MTCL3: variants seen among roughly 807,000 people sequenced by gnomAD.
MTCL3 encodes the protein microtubule cross-linking factor 3.
At chr6:127,492,125 G>T in the MTCL3 span, among the ~76,000 whole-genome samples, 139 of 152,240 alleles carry the variant, frequency 9.1e-4, 1 homozygote, top group African/African-American at 3.1e-3. Context: ...TTGCCCTAGT[G>T]AACAGCCAGT....
At chr6:127,481,615 TTATC>T in the MTCL3 span, among the ~76,000 whole-genome samples, 1 of 151,448 alleles carries the variant, frequency 6.6e-6, no homozygotes, top group Non-Finnish European at 1.5e-5. Flanking sequence ...TTTAGTTAAA[TTATC>T]TATCTAATGT....
the MTCL3 span, chr6:127,476,484 A>G: frequency 6.5e-7 from 1 of 1,544,106 alleles, no homozygotes; most frequent in Non-Finnish European, 8.7e-7. This position sits in a 1 kb window ranked among gnomAD's most constrained non-coding sequence, Gnocchi z 4.4. Context: ...TTGGGGGAAA[A>G]GAGGGAAAAG....
At chr6:127,490,314 G>A in the MTCL3 span, among the ~76,000 whole-genome samples, 1 of 152,138 alleles carries the variant, frequency 6.6e-6, no homozygotes, top group Non-Finnish European at 1.5e-5. Context: ...ATGGAGATGT[G>A]CAAGGAGACT....
chr6:127,488,680 G>A, the MTCL3 span, among the ~76,000 whole-genome samples: 2 of 152,070 alleles, frequency 1.3e-5, no homozygotes, highest in Admixed American at 1.3e-4. Context: ...GAAAGAAGCT[G>A]GAAAAATAAA....
the MTCL3 span, chr6:127,516,178 G>A: frequency 7.0e-7 from 1 of 1,433,726 alleles, no homozygotes; most frequent in Non-Finnish European, 9.1e-7. Flanking sequence ...CTCCCGAGGC[G>A]GCTCCTCGGG....
the MTCL3 span, chr6:127,482,873 A>G: frequency 1.4e-6 from 2 of 1,430,234 alleles, no homozygotes; most frequent in Non-Finnish European, 1.9e-6. The surrounding 1 kb of genome is among the most constrained non-coding windows in gnomAD (Gnocchi z 4.1). Context: ...ATACACTTAG[A>G]GGTACTTGGT....
the MTCL3 span, among the ~76,000 whole-genome samples, chr6:127,491,423 T>C: frequency 6.6e-6 from 1 of 152,250 alleles, no homozygotes; most frequent in African/African-American, 2.4e-5. Flanking sequence ...GCCATCCAAC[T>C]AGATGATGAC....
chr6:127,510,387 G>T, the MTCL3 span, among the ~76,000 whole-genome samples: 1 of 152,090 alleles, frequency 6.6e-6, no homozygotes, highest in East Asian at 1.9e-4. Context: ...TCAAGGAAAC[G>T]CATCTTTACA....
At chr6:127,481,426 C>T in the MTCL3 span, 2 of 985,360 alleles carry the variant, frequency 2.0e-6, no homozygotes, top group Non-Finnish European at 2.4e-6. Flanking sequence ...GGCTGTGAGA[C>T]TCTCTGGGAT....
At chr6:127,516,705 G>A in the MTCL3 span, 2 of 1,500,616 alleles carry the variant, frequency 1.3e-6, no homozygotes, top group Non-Finnish European at 1.8e-6. Flanking sequence ...TTCCTAAGCT[G>A]GGACAGAAAC....
chr6:127,478,451 G>A, the MTCL3 span, among the ~76,000 whole-genome samples: 114 of 152,202 alleles, frequency 7.5e-4, no homozygotes, highest in Non-Finnish European at 1.4e-3. Context: ...AAATTGAAAA[G>A]TACAAAAGGA....
the MTCL3 span, among the ~76,000 whole-genome samples, chr6:127,476,646 A>G: frequency 3.9e-5 from 6 of 152,358 alleles, no homozygotes; most frequent in East Asian, 1.2e-3. The surrounding 1 kb of genome is among the most constrained non-coding windows in gnomAD (Gnocchi z 4.4). Context: ...CTGGCAAATT[A>G]AAGATTAGAA....
At chr6:127,475,607 T>TGGGCCA in the MTCL3 span, 15 of 1,601,984 alleles carry the variant, frequency 9.4e-6, no homozygotes, top group East Asian at 2.7e-4. This position sits in a 1 kb window ranked among gnomAD's most constrained non-coding sequence, Gnocchi z 7.3. Flanking sequence ...GAGAAGCTCT[T>TGGGCCA]GGGCCAGGGC....
chr6:127,517,251 A>C, the MTCL3 span, among the ~76,000 whole-genome samples: 2 of 152,224 alleles, frequency 1.3e-5, no homozygotes, highest in African/African-American at 4.8e-5. Flanking sequence ...TTCCCCAGGC[A>C]GCTCCAACCC....
At chr6:127,495,948 G>A in the MTCL3 span, among the ~76,000 whole-genome samples, 12 of 152,020 alleles carry the variant, frequency 7.9e-5, no homozygotes, top group Non-Finnish European at 1.3e-4. Context: ...ATACACTCTC[G>A]GCTGGGCATG....
At chr6:127,498,434 A>T in the MTCL3 span, among the ~76,000 whole-genome samples, 5 of 152,202 alleles carry the variant, frequency 3.3e-5, no homozygotes, top group African/African-American at 9.7e-5. Flanking sequence ...TACAATCAGT[A>T]TTGAAAAGGG....
the MTCL3 span, chr6:127,476,226 G>T: frequency 6.2e-7 from 1 of 1,614,150 alleles, no homozygotes; most frequent in Non-Finnish European, 8.5e-7. The surrounding 1 kb of genome is among the most constrained non-coding windows in gnomAD (Gnocchi z 4.4). Flanking sequence ...TCCTGCCCAG[G>T]ATGTTGGCTT....
chr6:127,516,102 C>T, the MTCL3 span: 2 of 1,485,774 alleles, frequency 1.3e-6, no homozygotes, highest in South Asian at 1.3e-5. Flanking sequence ...CTCCTCCTTC[C>T]CCGCCCCCTC....
chr6:127,515,104 C>A, the MTCL3 span: 1 of 1,384,178 alleles, frequency 7.2e-7, no homozygotes, highest in Non-Finnish European at 1.0e-6. The surrounding 1 kb of genome is among the most constrained non-coding windows in gnomAD (Gnocchi z 4.3). Flanking sequence ...CCTTCCGACA[C>A]ACACCGTACA....
Sources: allele counts gnomAD v4.1 joint callset (sites outside exome capture counted in the v4.1 genomes callset), GRCh38; gene constraint gnomAD v4.1.1; non-coding constraint Gnocchi (gnomAD v3.1); transcripts MANE v1.5; gene names NCBI Gene and HGNC (gene_info 2026-07-23, HGNC 2026-07-21).